NECAB1: variants seen among roughly 807,000 people sequenced by gnomAD.
The protein encoded by NECAB1 is N-terminal EF-hand calcium binding protein 1, also known as N-terminal EF-hand calcium-binding protein 1.
In NECAB1, 29 loss-of-function variants were observed where a neutral mutation model predicts 57.5. That is an observed-to-expected ratio of 0.50 (90% CI 0.38 to 0.69). The LOEUF (loss-of-function observed/expected upper bound fraction) is 0.69, where lower values mean the gene tolerates loss of function less well. Ranked by LOEUF, NECAB1 falls within the 30% of genes least tolerant of loss-of-function variation. The probability of loss-of-function intolerance (pLI) is 0.00; values close to 1 mark genes in which losing one functional copy is unlikely to be tolerated. For synonymous variants in NECAB1, 142 were observed against 147.7 expected (o/e 0.96, Z 0.28); for missense variants, 372 against 413.8 (o/e 0.90, Z 0.88).
chr8:90,952,820 A>AAAATAAAATAAAATG (rs1563548110), intron 12 of NECAB1, among the ~76,000 whole-genome samples: 5 of 152,028 alleles, frequency 3.3e-5, no homozygotes, highest in African/African-American at 1.2e-4. Flanking sequence ...AAAATAAAAT[A>AAAATAAAATAAAATG]GGGAGAAAAA....
At chr8:90,919,691 A>C (rs2130133092) in intron 6 of NECAB1, among the ~76,000 whole-genome samples, 1 of 152,328 alleles carries the variant, frequency 6.6e-6, no homozygotes, top group South Asian at 2.1e-4. Flanking sequence ...GCAGAGGATA[A>C]CTGAATGTCT....
chr8:90,803,335 G>A (rs1179468229), intron 2 of NECAB1, among the ~76,000 whole-genome samples: 1 of 152,118 alleles, frequency 6.6e-6, no homozygotes, highest in African/African-American at 2.4e-5. Flanking sequence ...TATGCCACCT[G>A]CCTTGTATTT....
chr8:90,846,980 T>C (rs1409733196), intron 3 of NECAB1, among the ~76,000 whole-genome samples: 1 of 152,186 alleles, frequency 6.6e-6, no homozygotes, highest in Non-Finnish European at 1.5e-5. Flanking sequence ...TCAAATCTAA[T>C]GTTCCCACAT....
intron 2 of NECAB1, among the ~76,000 whole-genome samples, chr8:90,823,848 G>A (rs983929416): frequency 1.3e-5 from 2 of 151,826 alleles, no homozygotes; most frequent in Admixed American, 1.3e-4. Flanking sequence ...CCTGCACAGA[G>A]AGAAAGATGC....
intron 2 of NECAB1, among the ~76,000 whole-genome samples, chr8:90,807,477 C>T (rs1375920869): frequency 2.6e-5 from 4 of 152,214 alleles, no homozygotes; most frequent in East Asian, 3.9e-4. Flanking sequence ...TTCAGAGTCC[C>T]GCAGAGCTCT....
At chr8:90,840,899 A>G (rs2129743672) in intron 3 of NECAB1, among the ~76,000 whole-genome samples, 1 of 151,610 alleles carries the variant, frequency 6.6e-6, no homozygotes, top group East Asian at 1.9e-4. Context: ...TTCAATCAAT[A>G]GAAATCTAAT....
chr8:90,808,018 CTT>C lies in NECAB1; in HGVS notation c.124+6311_124+6312del, dbSNP rs35178239. The stretch of plus-strand genomic sequence containing the variant: ...TAAATTTTCTATTTTCATAGTATGA[CTT>C]TTTTTTTCTAAAATGCAAAGCACTT... On this transcript the variant is annotated intron_variant, in intron 2 of 12. Coordinates refer to ENST00000417640, the MANE Select transcript of NECAB1 (RefSeq NM_022351.5). Among the ~76,000 whole-genome samples the C allele has an allele frequency of 2.6e-5, 4 of 151,766 alleles. No homozygotes were observed. In the East Asian group the frequency reaches 7.7e-4, roughly 29 times the overall value.
Position 90,917,503 on chromosome 8 carries a change from A to G in NECAB1, c.369A>G (p.Glu123=). The G allele has an allele frequency of 1.9e-6, 3 of 1,609,776 alleles. No homozygotes were observed. The highest frequency in any genetic ancestry group is 2.5e-6 in the Non-Finnish European group (3 of 1,177,314). Residue 123 remains glutamate (E), a synonymous_variant, in exon 6 of 13, where the codon GAA becomes GAG. Coordinates refer to ENST00000417640, the MANE Select transcript of NECAB1 (RefSeq NM_022351.5). ...AMGKTKKDYQ[E]ASNLEQFVTR... is the part of the protein sequence containing the mutation. ...TTTGTCACCCTTAGGACTACCAAGA[A>G]GCCTCCAATTTGGAACAATTCGTAA...
intron 5 of NECAB1, among the ~76,000 whole-genome samples, chr8:90,900,905 C>A (rs1033108974): frequency 1.3e-5 from 2 of 152,116 alleles, no homozygotes; most frequent in Non-Finnish European, 2.9e-5. Flanking sequence ...CCAGCAGTTT[C>A]TTGATGATTT....
intron 3 of NECAB1, among the ~76,000 whole-genome samples, chr8:90,841,456 T>C (rs1484413056): frequency 6.6e-6 from 1 of 152,150 alleles, no homozygotes; most frequent in East Asian, 1.9e-4. Flanking sequence ...TAGTACCTTG[T>C]AAAATGGGTT....
In NECAB1 at chr8:90,820,679, C is replaced by CT. The variant is rs10543377; in HGVS notation, c.125-4023dup. ...GACATTAAATTACTGTTTAAATAGT[C>CT]TTTTTTTTTTTTTTTAAGAAGCACT... On this transcript the variant is annotated intron_variant, in intron 2 of 12. Transcript: ENST00000417640. 1.2e-3 allele frequency among the ~76,000 whole-genome samples: 175 copies of CT among 142,400 alleles called. 1 individual carries two copies. Among genetic ancestry groups the CT allele is most frequent in the Middle Eastern group, 4.0e-3 (1 of 250 alleles). The allele number at this position is 142,400 out of a possible 152,430, so 93.4% of individuals were successfully genotyped here. A position where few individuals can be genotyped will look rare whatever the true frequency, so the allele number is the denominator to read the frequency against.
rs1810916422 is a variant in NECAB1, at chr8:90,951,154, A to C, written c.980A>C (p.Asn327Thr). The change falls in exon 12 of 13, where the codon AAT (asparagine) becomes ACT (threonine). Residue 327 changes from asparagine (N) to threonine (T), a missense_variant. By Grantham distance (65) the Asn-to-Thr change is moderately conservative. Coordinates refer to ENST00000417640, the MANE Select transcript of NECAB1 (RefSeq NM_022351.5). ...TATAGCAAGACATTCCAAAGAAGTA[A>C]TGTGGATTTCTTGGAAACTCCAGAA... is the stretch of plus-strand genomic sequence containing the variant. Reference protein sequence around the residue: ...TNYSKTFQRSNVDFLETPELT... With the variant: ...TNYSKTFQRSTVDFLETPELT... 1.2e-6 allele frequency: 2 copies of C among 1,603,318 alleles called. No homozygotes were observed. The highest frequency in any genetic ancestry group is 1.7e-6 in the Non-Finnish European group (2 of 1,174,896).
chr8:90,822,593 T>A lies in NECAB1; in HGVS notation c.125-2124T>A, dbSNP rs185660633. Among the ~76,000 whole-genome samples the A allele has an allele frequency of 3.5e-3, 537 of 151,966 alleles. 4 individuals are homozygous for A. Among genetic ancestry groups the A allele is most frequent in the African/African-American group, 0.012 (500 of 41,520 alleles). On this transcript the variant is annotated intron_variant, in intron 2 of 12. Transcript: ENST00000417640. ...CCCCAGAGAATCATCAGAGCCCTTA[T>A]TAATCGATGCTTTTATTTGATAGAA...
intron 7 of NECAB1, 74 bp from the exon 8 acceptor site, chr8:90,928,149 G>A (rs764673797): frequency 1.5e-4 from 169 of 1,127,278 alleles, no homozygotes; most frequent in Non-Finnish European, 2.1e-4. Context: ...TTGAAGGAAA[G>A]CTCTGATATA....
At chr8:90,800,568 A>G (rs1811743414) in intron 1 of NECAB1, among the ~76,000 whole-genome samples, 1 of 152,144 alleles carries the variant, frequency 6.6e-6, no homozygotes, top group African/African-American at 2.4e-5. Flanking sequence ...TTCCTCCCAA[A>G]CCCCTATTTC....
At chr8:90,845,139 T>A (rs1045361339) in intron 3 of NECAB1, among the ~76,000 whole-genome samples, 1 of 152,174 alleles carries the variant, frequency 6.6e-6, no homozygotes, top group Non-Finnish European at 1.5e-5. Context: ...CAGAGGGCAA[T>A]CTACTTTGTC....
intron 2 of NECAB1, among the ~76,000 whole-genome samples, chr8:90,811,654 T>G (rs913017490): frequency 1.3e-5 from 2 of 152,168 alleles, no homozygotes; most frequent in Non-Finnish European, 2.9e-5. Flanking sequence ...TTTATCTAGG[T>G]GTTCAGAAAT....
intron 3 of NECAB1, among the ~76,000 whole-genome samples, chr8:90,851,561 A>G (rs1161165719): frequency 1.3e-5 from 2 of 152,110 alleles, no homozygotes; most frequent in Non-Finnish European, 2.9e-5. Flanking sequence ...TGTCATAAGT[A>G]TTTTGTGGGT....
At chr8:90,951,453 T>C (rs1271024378) in intron 12 of NECAB1, among the ~76,000 whole-genome samples, 1 of 152,210 alleles carries the variant, frequency 6.6e-6, no homozygotes, top group Non-Finnish European at 1.5e-5. Flanking sequence ...CTAATCATAT[T>C]AACAAACTTG....
Sources: allele counts gnomAD v4.1 joint callset (sites outside exome capture counted in the v4.1 genomes callset), GRCh38; gene constraint gnomAD v4.1.1; transcripts MANE v1.5; gene names NCBI Gene and HGNC (gene_info 2026-07-23, HGNC 2026-07-21).